Variants in AFAP1L2 observed in about 807,000 individuals in gnomAD.
AFAP1L2 encodes actin filament-associated protein 1-like 2.
AFAP1L2 carries 46 observed loss-of-function variants against 99.3 expected under a neutral mutation model. The observed-to-expected ratio is 0.46, with a 90% confidence interval of 0.37 to 0.59. AFAP1L2 has a LOEUF of 0.59. AFAP1L2 is among the 20% of genes least tolerant of loss of function. The pLI, the probability that AFAP1L2 is intolerant of heterozygous loss-of-function variation, is 0.00. For missense variants in AFAP1L2, 959 were observed against 1,034.9 expected (o/e 0.93, Z 1.01); for synonymous variants, 397 against 419.1 (o/e 0.95, Z 0.64).
intron 9 of AFAP1L2, among the ~76,000 whole-genome samples, 174 bp from the exon 10 acceptor site, chr10:114,308,083 C>G (rs567256181): frequency 5.9e-5 from 9 of 152,312 alleles, no homozygotes; most frequent in Middle Eastern, 3.4e-3. Context: ...CCAGGACCTG[C>G]AGGCCACAGT....
intron 16 of AFAP1L2, among the ~76,000 whole-genome samples, chr10:114,298,458 G>A (rs565380454): frequency 8.5e-5 from 13 of 152,248 alleles, no homozygotes; most frequent in East Asian, 3.9e-4. Flanking sequence ...AACCTGCACC[G>A]CTGCTCTTGC....
At chr10:114,386,758 C>T (rs56357204) in intron 1 of AFAP1L2, among the ~76,000 whole-genome samples, 1 of 152,226 alleles carries the variant, frequency 6.6e-6, no homozygotes, top group Admixed American at 6.5e-5. Context: ...AAAGCACACC[C>T]AGCAACGGCA....
chr10:114,322,035 G>T (rs1022278833), intron 5 of AFAP1L2, among the ~76,000 whole-genome samples: 3 of 152,146 alleles, frequency 2.0e-5, no homozygotes, highest in Admixed American at 2.0e-4. Flanking sequence ...TGCTGTTCTC[G>T]TGATAGTGAA....
intron 1 of AFAP1L2, among the ~76,000 whole-genome samples, chr10:114,394,782 A>G (rs970005080): frequency 2.6e-5 from 4 of 152,128 alleles, no homozygotes; most frequent in Non-Finnish European, 5.9e-5. Context: ...GGCTACTTTC[A>G]GAACATCTGG....
At chr10:114,341,158 A>T (rs2048769316) in intron 1 of AFAP1L2, among the ~76,000 whole-genome samples, 1 of 152,198 alleles carries the variant, frequency 6.6e-6, no homozygotes, top group Non-Finnish European at 1.5e-5. Context: ...TCTCATCTTG[A>T]TCCTCTCCGG....
At chr10:114,368,353 G>A (rs2053585546) in intron 1 of AFAP1L2, among the ~76,000 whole-genome samples, 1 of 152,174 alleles carries the variant, frequency 6.6e-6, no homozygotes, top group Non-Finnish European at 1.5e-5. Context: ...AAGGTCTGGA[G>A]GTCTAATGTA....
intron 5 of AFAP1L2, among the ~76,000 whole-genome samples, chr10:114,320,791 C>T (rs2045107172): frequency 6.6e-6 from 1 of 152,230 alleles, no homozygotes; most frequent in Non-Finnish European, 1.5e-5. Flanking sequence ...CAGGCAGGCC[C>T]CTGCTGGCCC....
At chr10:114,310,517 G>T in intron 7 of AFAP1L2, 74 bp from the exon 8 acceptor site, 1 of 1,375,504 alleles carries the variant, frequency 7.3e-7, no homozygotes, top group Non-Finnish European at 1.0e-6. Flanking sequence ...TGAAGCCAGG[G>T]CCCCTGCAGG....
At chr10:114,281,426 G>C in the AFAP1L2 span, among the ~76,000 whole-genome samples, 1 of 152,216 alleles carries the variant, frequency 6.6e-6, no homozygotes, top group South Asian at 2.1e-4. Flanking sequence ...CTGTGTTCCG[G>C]TAATTATGTG....
intron 18 of AFAP1L2, 26 bp from the exon 19 acceptor site, chr10:114,296,094 C>T: frequency 6.2e-7 from 1 of 1,614,056 alleles, no homozygotes; most frequent in Admixed American, 1.7e-5. Context: ...AATACCAGCA[C>T]CCACCCCCCA....
the AFAP1L2 span, chr10:114,280,869 G>T: frequency 6.6e-6 from 1 of 152,122 alleles, no homozygotes; most frequent in Non-Finnish European, 1.5e-5. Flanking sequence ...CTCCTAAGTA[G>T]TTGGGACTAC....
chr10:114,380,277 A>G (rs1046326293), intron 1 of AFAP1L2, among the ~76,000 whole-genome samples: 1 of 152,226 alleles, frequency 6.6e-6, no homozygotes, highest in Non-Finnish European at 1.5e-5. Flanking sequence ...TCTCTTGGCA[A>G]GGTGCCCAAG....
intron 3 of AFAP1L2, among the ~76,000 whole-genome samples, chr10:114,332,753 G>T (rs773362532): frequency 3.9e-5 from 6 of 152,222 alleles, no homozygotes; most frequent in South Asian, 2.1e-4. Flanking sequence ...GAAAACATAT[G>T]TCCTTCCCAT....
At chr10:114,360,538 T>TAGAC (rs2052199495) in intron 1 of AFAP1L2, among the ~76,000 whole-genome samples, 1 of 141,144 alleles carries the variant, frequency 7.1e-6, no homozygotes, top group African/African-American at 3.2e-5. Flanking sequence ...GATAGATAGA[T>TAGAC]AGATAGATAG....
rs552925072 is a variant in AFAP1L2, at chr10:114,296,812, G to T, written c.2430+166C>A. On this transcript the variant is annotated intron_variant, in intron 18 of 18. Transcript: ENST00000304129. ...ACCTTTCTGGTTGGTCAGTGCCAGA[G>T]ACTGAGCTGAAGGCATGGCAAAGCC... 7 of 1,169,898 alleles carry T rather than the reference G, an allele frequency of 6.0e-6. No individual in the cohort carries two copies. The East Asian group carries it at 1.0e-4, about 17-fold the overall frequency. 72.5% of individuals were successfully genotyped at this position (1,169,898 alleles called of 1,614,324 possible). A position where few individuals can be genotyped will look rare whatever the true frequency, so the allele number is the denominator to read the frequency against.
intron 1 of AFAP1L2, among the ~76,000 whole-genome samples, chr10:114,359,758 T>C (rs987260582): frequency 2.6e-5 from 4 of 152,166 alleles, no homozygotes; most frequent in Non-Finnish European, 4.4e-5. Flanking sequence ...CTTTCATTCA[T>C]TTAACTAAAG....
At chr10:114,368,216 T>C (rs2053568429) in intron 1 of AFAP1L2, among the ~76,000 whole-genome samples, 2 of 152,182 alleles carry the variant, frequency 1.3e-5, no homozygotes, top group Admixed American at 6.5e-5. Flanking sequence ...TACCGCATGA[T>C]CTGACTCATA....
At chr10:114,281,743 C>T in the AFAP1L2 span, 14 of 985,360 alleles carry the variant, frequency 1.4e-5, no homozygotes, top group African/African-American at 2.4e-4. Flanking sequence ...GAGCCTTGCT[C>T]CTTCAGTGCT....
intron 2 of AFAP1L2, among the ~76,000 whole-genome samples, chr10:114,335,780 C>T (rs1280484662): frequency 6.6e-6 from 1 of 151,802 alleles, no homozygotes; most frequent in Non-Finnish European, 1.5e-5. Context: ...TTCAGAATAG[C>T]AAAAAAAGAA....
Sources: gnomAD v4.1 joint callset for allele counts (sites outside exome capture counted in the v4.1 genomes callset) on GRCh38, gnomAD v4.1.1 for gene constraint, MANE v1.5 for transcripts, NCBI Gene and HGNC (gene_info 2026-07-23, HGNC 2026-07-21) for gene names.